ITGA9: variants seen among roughly 807,000 people sequenced by gnomAD.
ITGA9 encodes integrin subunit alpha 9, also known as integrin alpha-9.
A neutral mutation model predicts 127.8 loss-of-function variants in ITGA9; 56 were observed. The observed-to-expected ratio is 0.44, with a 90% CI of 0.35 to 0.55. The LOEUF is 0.55. Ranked by LOEUF, ITGA9 falls within the 20% of genes least tolerant of loss-of-function variation. ITGA9 has a pLI of 0.00. For missense variants in ITGA9, 1,196 were observed against 1,347.1 expected (o/e 0.89, Z 1.76); for synonymous variants, 508 against 514.5 (o/e 0.99, Z 0.17).
At chr3:37,612,099 A>G (rs986896291) in intron 15 of ITGA9, among the ~76,000 whole-genome samples, 4 of 152,152 alleles carry the variant, frequency 2.6e-5, no homozygotes, top group African/African-American at 7.2e-5. Context: ...ATAACCTATG[A>G]AGACTGAAAC....
intron 12 of ITGA9, 48 bp from the exon 13 acceptor site, chr3:37,525,978 G>GTATGGGC (rs1699089006): frequency 6.4e-7 from 1 of 1,570,380 alleles, no homozygotes; most frequent in African/African-American, 1.4e-5. Context: ...GCGCGGTTGT[G>GTATGGGC]TATGGGCTTC....
At chr3:37,571,722 G>A (rs1699604226) in intron 15 of ITGA9, among the ~76,000 whole-genome samples, 1 of 152,028 alleles carries the variant, frequency 6.6e-6, no homozygotes, top group Non-Finnish European at 1.5e-5. Flanking sequence ...CATGAAGGAG[G>A]TCTGGATCCT....
At chr3:37,787,323 A>T (rs1454653867) in intron 26 of ITGA9, among the ~76,000 whole-genome samples, 3 of 152,004 alleles carry the variant, frequency 2.0e-5, no homozygotes, top group Admixed American at 2.0e-4. Flanking sequence ...GCCTTCCATT[A>T]TAGGACTAGA....
At chr3:37,807,328 AGGT>A (rs1697311003) in intron 27 of ITGA9, 1 of 152,248 alleles carries the variant, frequency 6.6e-6, no homozygotes, top group African/African-American at 2.4e-5. Flanking sequence ...TTCATAAATG[AGGT>A]GTCATTCGAG....
chr3:37,795,308 T>C (rs1697158504), intron 26 of ITGA9, among the ~76,000 whole-genome samples: 1 of 152,184 alleles, frequency 6.6e-6, no homozygotes. Flanking sequence ...GTGATCATAT[T>C]CTCAGGCCTT....
At chr3:37,684,790 T>A (rs1700766648) in intron 18 of ITGA9, among the ~76,000 whole-genome samples, 1 of 152,202 alleles carries the variant, frequency 6.6e-6, no homozygotes, top group Admixed American at 6.5e-5. Flanking sequence ...TTTGAGTGAA[T>A]TGAGGTAGTT....
rs138694002 is a variant in ITGA9, at chr3:37,474,679, T to G, written c.420+1219T>G. Among the ~76,000 whole-genome samples, 515 of 152,348 alleles carry G rather than the reference T, an allele frequency of 3.4e-3. 2 individuals are homozygous for G. Among genetic ancestry groups the G allele is most frequent in the African/African-American group, 0.012 (495 of 41,584 alleles). ...TAGGCTTTCTCTTGCCCTTGACTTT[T>G]ATCAGAAGCTGTACGAAGATTTTTG... is the stretch of plus-strand genomic sequence containing the variant. On this transcript the variant is annotated intron_variant, in intron 3 of 27. Transcript: ENST00000264741.
At chr3:37,650,321 G>A (rs547839493) in intron 16 of ITGA9, among the ~76,000 whole-genome samples, 8 of 152,242 alleles carry the variant, frequency 5.3e-5, no homozygotes, top group African/African-American at 1.9e-4. Flanking sequence ...CACATTGTAA[G>A]GAGTGCCATC....
intron 4 of ITGA9, among the ~76,000 whole-genome samples, chr3:37,483,608 A>G (rs540164349): frequency 6.6e-6 from 1 of 152,286 alleles, no homozygotes; most frequent in South Asian, 2.1e-4. Flanking sequence ...TGGAGCACAC[A>G]TCTAGAGTCC....
chr3:37,466,497 A>AAAAAG (rs1698372994), intron 1 of ITGA9, among the ~76,000 whole-genome samples: 1 of 148,088 alleles, frequency 6.8e-6, no homozygotes, highest in East Asian at 1.9e-4. Context: ...AAAAAAAAAA[A>AAAAAG]AAAAAAAAAA....
intron 17 of ITGA9, among the ~76,000 whole-genome samples, chr3:37,681,411 CTG>C (rs1447997924): frequency 1.3e-5 from 2 of 152,136 alleles, no homozygotes; most frequent in African/African-American, 4.8e-5. Context: ...GTGGGAGCAT[CTG>C]TTCTCACATC....
chr3:37,568,786 C>T (rs1048221867), intron 15 of ITGA9, among the ~76,000 whole-genome samples: 10 of 152,332 alleles, frequency 6.6e-5, no homozygotes, highest in African/African-American at 1.9e-4. Context: ...GCCTAGATTT[C>T]GTTGTCCCTA....
rs189547578 is a variant in ITGA9 at position 37,571,209 on chromosome 3, G to A, written c.1689+28624G>A. ...ACTCAGGGCAGGGAGATCTACTGGA[G>A]GCAGCGTATCACACACTAGTTGTCC... On this transcript the variant is annotated intron_variant, in intron 15 of 27. Coordinates refer to ENST00000264741, the MANE Select transcript of ITGA9 (RefSeq NM_002207.3). Among the ~76,000 whole-genome samples the A allele has an allele frequency of 5.5e-3, 812 of 146,460 alleles. 8 individuals carry two copies. Among genetic ancestry groups the A allele is most frequent in the African/African-American group, 0.019 (764 of 40,754 alleles).
At chr3:37,531,029 G>A (rs867389075) in intron 13 of ITGA9, among the ~76,000 whole-genome samples, 22 of 152,042 alleles carry the variant, frequency 1.4e-4, no homozygotes, top group Middle Eastern at 3.2e-3. Context: ...GGGATTACAG[G>A]CGTGAGCCAC....
chr3:37,807,177 G>A (rs1697309214), intron 27 of ITGA9: 1 of 152,272 alleles, frequency 6.6e-6, no homozygotes, highest in Non-Finnish European at 1.5e-5. Context: ...CTGACATGAG[G>A]CCTTAAGGGG....
intron 15 of ITGA9, among the ~76,000 whole-genome samples, chr3:37,544,214 C>T (rs1007921879): frequency 3.9e-5 from 6 of 152,294 alleles, no homozygotes; most frequent in East Asian, 3.9e-4. Flanking sequence ...TGAGATGCCA[C>T]GTAGAGTGGC....
chr3:37,701,210 G>A (rs1431817700), intron 18 of ITGA9, among the ~76,000 whole-genome samples: 2 of 152,232 alleles, frequency 1.3e-5, no homozygotes, highest in Non-Finnish European at 2.9e-5. Flanking sequence ...TAGGGCTGGA[G>A]TGTGAGCTGT....
chr3:37,504,700 T>A (rs995574135), intron 6 of ITGA9, among the ~76,000 whole-genome samples: 2 of 152,178 alleles, frequency 1.3e-5, no homozygotes, highest in African/African-American at 4.8e-5. Context: ...GTATACACAT[T>A]AGAGGCTCTT....
At chr3:37,739,307 C>A (rs1044085261) in intron 20 of ITGA9, among the ~76,000 whole-genome samples, 1 of 152,200 alleles carries the variant, frequency 6.6e-6, no homozygotes, top group Non-Finnish European at 1.5e-5. Context: ...TTTCTAGTTT[C>A]TTAAATCACA....
Sources: gnomAD v4.1 joint callset for allele counts (sites outside exome capture counted in the v4.1 genomes callset) on GRCh38, gnomAD v4.1.1 for gene constraint, MANE v1.5 for transcripts, NCBI Gene and HGNC (gene_info 2026-07-23, HGNC 2026-07-21) for gene names.